Variants in RPTOR observed in about 807,000 individuals in gnomAD.
RPTOR encodes the protein regulatory associated protein of MTOR complex 1.
Under a neutral mutation model 169.9 loss-of-function variants are expected in RPTOR, and 21 were observed. That is an observed-to-expected ratio of 0.12 (90% confidence interval 0.09 to 0.18). RPTOR has a LOEUF of 0.18. Ranked by LOEUF, RPTOR falls within the 10% of genes least tolerant of loss-of-function variation. The probability of loss-of-function intolerance (pLI) is 1.00; values close to 1 mark genes in which losing one functional copy is unlikely to be tolerated. For missense variants in RPTOR, 1,133 were observed against 1,855.9 expected, an observed-to-expected ratio of 0.61 and a Z score of 7.16; for synonymous variants, 732 against 753.2, an observed-to-expected ratio of 0.97 and a Z score of 0.46.
rs1023873873 is a variant in RPTOR, at chr17:80,633,314, C to T, written c.265+7521C>T. ...CGTGGACGTGTGACTGCCACGTAAG[C>T]GTCCGCTGCATGCAGGTTTGCCAGT... On this transcript the variant is annotated intron_variant, in intron 2 of 33. Coordinates refer to ENST00000306801, the MANE Select transcript of RPTOR (RefSeq NM_020761.3). The surrounding 1 kb of genome is among the most constrained non-coding windows in gnomAD (Gnocchi z 4.1). 1.3e-5 allele frequency among the ~76,000 whole-genome samples: 2 copies of T among 152,210 alleles called. No individual in the cohort carries two copies. Among genetic ancestry groups the T allele is most frequent in the Non-Finnish European group, 2.9e-5 (2 of 68,040 alleles).
rs530733320 is a variant in RPTOR, at chr17:80,846,648, A to G, written c.1314+74A>G. On this transcript the variant is annotated intron_variant, in intron 11 of 33. Transcript: ENST00000306801. ...AGCCAGATGCCTGTACAGCCCCGGGAGTGCCTTCTCTCTCCCTGAGCCCTG... is the reference window on the plus strand; with the variant it reads ...AGCCAGATGCCTGTACAGCCCCGGGGGTGCCTTCTCTCTCCCTGAGCCCTG... 177 of 1,274,276 alleles carry G rather than the reference A, an allele frequency of 1.4e-4. 3 individuals are homozygous for G. The South Asian group carries it at 2.1e-3, about 15-fold the overall frequency. 78.9% of individuals were successfully genotyped at this position (1,274,276 alleles called of 1,614,324 possible).
chr17:80,961,727 C>A, intron 31 of RPTOR: 1 of 492,366 alleles, frequency 2.0e-6, no homozygotes, highest in Non-Finnish European at 3.6e-6. Context: ...CTGCCAACTG[C>A]GGAGGGTTCC....
intron 16 of RPTOR, 52 bp from the exon 17 acceptor site, chr17:80,884,956 C>T: frequency 6.4e-7 from 1 of 1,571,734 alleles, no homozygotes; most frequent in Non-Finnish European, 8.6e-7. Context: ...GAAAGGCAGG[C>T]TGCAGCATGG....
rs570290014 is a variant in RPTOR at position 80,962,572 on chromosome 17, C to T, written c.3804C>T (p.Ile1268=). The T allele has an allele frequency of 6.2e-7, 1 of 1,612,754 alleles. No individual in the cohort carries two copies. Among genetic ancestry groups the T allele is most frequent in the Admixed American group, 1.7e-5 (1 of 60,002 alleles). Residue 1268 remains isoleucine (I), a synonymous_variant, in exon 32 of 34, where the codon ATC becomes ATT. Coordinates refer to ENST00000306801, the MANE Select transcript of RPTOR (RefSeq NM_020761.3). The part of the protein sequence containing the change: ...ALDIHPQADL[I]ACGSVNQFTA... ...ACATCCACCCCCAGGCGGACCTGAT[C>T]GCATGGTAGGCGCCACCCACCTCCC...
chr17:80,832,377 G>C (rs1374838974), intron 9 of RPTOR, among the ~76,000 whole-genome samples: 1 of 152,202 alleles, frequency 6.6e-6, no homozygotes, highest in African/African-American at 2.4e-5. Flanking sequence ...AGTGGACGAG[G>C]CAGCTCAGGC....
At chr17:80,911,819 C>T (rs1331420560) in intron 21 of RPTOR, among the ~76,000 whole-genome samples, 1 of 152,152 alleles carries the variant, frequency 6.6e-6, no homozygotes, top group East Asian at 1.9e-4. Flanking sequence ...GTTTGTTACA[C>T]ATTATGGTCT....
Position 80,646,997 on chromosome 17 carries a change from T to C in RPTOR, c.348+3187T>C, listed in dbSNP as rs2143607348. On this transcript the variant is annotated intron_variant, in intron 3 of 33. Transcript: ENST00000306801. This position sits in a 1 kb window ranked among gnomAD's most constrained non-coding sequence, Gnocchi z 5.0. ...TGGAAGCCTCTGATGATTTCCTTGC[T>C]GGTGCTGGAACGCTTGGACTTGTTC... Among the ~76,000 whole-genome samples, 2 of 152,312 alleles carry C rather than the reference T, an allele frequency of 1.3e-5. No homozygotes were observed. The highest frequency in any genetic ancestry group is 3.9e-4 in the East Asian group (2 of 5,180).
intron 1 of RPTOR, among the ~76,000 whole-genome samples, chr17:80,607,530 C>T (rs1412286066): frequency 2.0e-5 from 3 of 151,782 alleles, no homozygotes; most frequent in Non-Finnish European, 4.4e-5. Context: ...GCTATGCCTC[C>T]TTTAAAACTG....
At chr17:80,923,276 A>G (rs1249814151) in intron 22 of RPTOR, among the ~76,000 whole-genome samples, 1 of 151,994 alleles carries the variant, frequency 6.6e-6, no homozygotes, top group African/African-American at 2.4e-5. Flanking sequence ...ATGAGGGACA[A>G]CCCTGCCCCC....
intron 3 of RPTOR, among the ~76,000 whole-genome samples, chr17:80,671,935 G>A (rs1234166783): frequency 2.6e-5 from 4 of 152,212 alleles, no homozygotes; most frequent in Non-Finnish European, 5.9e-5. Flanking sequence ...CCAAGTAGCT[G>A]TTGTAGCATT....
At chr17:80,790,611 T>TC (rs2067037900) in intron 6 of RPTOR, among the ~76,000 whole-genome samples, 1 of 152,038 alleles carries the variant, frequency 6.6e-6, no homozygotes, top group Admixed American at 6.6e-5. Flanking sequence ...CACTGCACCC[T>TC]CCCCTGGGCC....
chr17:80,550,334 G>A (rs769083140), intron 1 of RPTOR, among the ~76,000 whole-genome samples: 70 of 152,086 alleles, frequency 4.6e-4, no homozygotes, highest in Admixed American at 1.2e-3. Context: ...GTGTCTCCAC[G>A]AAACTCGGAT....
intron 3 of RPTOR, among the ~76,000 whole-genome samples, chr17:80,688,866 ACT>A (rs2143734502): frequency 6.6e-6 from 1 of 152,140 alleles, no homozygotes; most frequent in East Asian, 1.9e-4. Context: ...TGGAACACAG[ACT>A]CTCTGCCCTT....
intron 14 of RPTOR, among the ~76,000 whole-genome samples, chr17:80,880,731 A>T (rs992836642): frequency 2.0e-5 from 3 of 152,182 alleles, no homozygotes; most frequent in African/African-American, 7.2e-5. Context: ...ACCCGGACAC[A>T]TGGGTGGTTT....
chr17:80,779,377 G>A (rs563409587), intron 6 of RPTOR, among the ~76,000 whole-genome samples: 2 of 152,330 alleles, frequency 1.3e-5, no homozygotes, highest in South Asian at 2.1e-4. Flanking sequence ...AAAGTGTGGC[G>A]CCTCCGTGGC....
intron 7 of RPTOR, among the ~76,000 whole-genome samples, chr17:80,792,755 T>C (rs567833770): frequency 1.7e-4 from 26 of 152,278 alleles, no homozygotes; most frequent in African/African-American, 5.8e-4. Context: ...CTGACGAGAC[T>C]GCAGTTTTGC....
intron 13 of RPTOR, among the ~76,000 whole-genome samples, chr17:80,876,341 G>A (rs1391130699): frequency 2.4e-5 from 2 of 84,462 alleles, no homozygotes; most frequent in Non-Finnish European, 4.5e-5. Flanking sequence ...GTCGCCTGCC[G>A]GGTCTTCCAC....
chr17:80,919,409 C>G (rs988888721), intron 21 of RPTOR, among the ~76,000 whole-genome samples: 1 of 152,154 alleles, frequency 6.6e-6, no homozygotes, highest in African/African-American at 2.4e-5. Flanking sequence ...ATAAAATTAA[C>G]AGGAACATTT....
intron 4 of RPTOR, among the ~76,000 whole-genome samples, chr17:80,709,290 A>G (rs577820783): frequency 6.6e-6 from 1 of 152,318 alleles, no homozygotes; most frequent in African/African-American, 2.4e-5. Flanking sequence ...GGCGTGCACC[A>G]CAGGCCCCTG....
Sources: allele counts gnomAD v4.1 joint callset (sites outside exome capture counted in the v4.1 genomes callset), GRCh38; gene constraint gnomAD v4.1.1; non-coding constraint Gnocchi (gnomAD v3.1); transcripts MANE v1.5; gene names NCBI Gene and HGNC (gene_info 2026-07-23, HGNC 2026-07-21).